BORCS5: variants seen among roughly 807,000 people sequenced by gnomAD.
The protein encoded by BORCS5 is BLOC-1-related complex subunit 5.
BORCS5 carries 17 observed loss-of-function variants against 22.1 expected under a neutral mutation model. The ratio of observed to expected loss-of-function variants is 0.77; its 90% CI spans 0.53 to 1.15. The LOEUF is 1.15. Among genes scored for constraint, BORCS5 ranks in the 50% most tolerant of loss-of-function variants. The probability of loss-of-function intolerance (pLI) is 0.00; values close to 1 mark genes in which losing one functional copy is unlikely to be tolerated. For synonymous variants in BORCS5, 117 were observed against 99.8 expected, an observed-to-expected ratio of 1.17 and a Z score of -1.03; for missense variants, 247 against 253.2, an observed-to-expected ratio of 0.98 and a Z score of 0.17.
intron 2 of BORCS5, among the ~76,000 whole-genome samples, chr12:12,407,226 T>C (rs1462115225): frequency 6.6e-6 from 1 of 152,258 alleles, no homozygotes; most frequent in African/African-American, 2.4e-5. Context: ...TATGTCATTA[T>C]AGAAGAATCC....
rs1361033088 is a variant in BORCS5, at chr12:12,465,698, C to T, written c.513C>T (p.Asp171=). The T allele has an allele frequency of 1.9e-6, 3 of 1,614,266 alleles. No individual in the cohort carries two copies. In the African/African-American group the frequency reaches 4.0e-5, roughly 22 times the overall value. ...MGIDQTVPLL[D]RLNSMLPEGE... is the part of the protein sequence containing the mutation. ...TCGACCAGACTGTGCCCCTGCTGGA[C>T]AGGCTCAACAGCATGCTGCCCGAGG... The change falls in exon 4 of 4, where the codon GAC becomes GAT. Residue 171 remains aspartate (D), a synonymous_variant. Coordinates refer to ENST00000314565, the MANE Select transcript of BORCS5 (RefSeq NM_058169.6).
At chr12:12,423,645 T>C (rs2136108430) in intron 2 of BORCS5, among the ~76,000 whole-genome samples, 1 of 151,646 alleles carries the variant, frequency 6.6e-6, no homozygotes, top group East Asian at 1.9e-4. Context: ...TTCCCTTTTA[T>C]GTGATAAGGT....
At chr12:12,393,558 C>CA (rs1941253246) in intron 2 of BORCS5, among the ~76,000 whole-genome samples, 1 of 151,696 alleles carries the variant, frequency 6.6e-6, no homozygotes, top group African/African-American at 2.4e-5. Context: ...CTCACTCTGT[C>CA]ACTCAGGCTG....
intron 3 of BORCS5, among the ~76,000 whole-genome samples, chr12:12,449,064 T>C (rs1382843381): frequency 2.0e-5 from 3 of 152,242 alleles, no homozygotes; most frequent in Non-Finnish European, 4.4e-5. Flanking sequence ...AACTTCTTTA[T>C]ACTTCCAACC....
At chr12:12,413,095 A>G (rs1168677397) in intron 2 of BORCS5, among the ~76,000 whole-genome samples, 1 of 94,556 alleles carries the variant, frequency 1.1e-5, no homozygotes, top group Non-Finnish European at 2.0e-5. Flanking sequence ...GAGATTGGGG[A>G]TTGGTGATGA....
intron 2 of BORCS5, among the ~76,000 whole-genome samples, chr12:12,364,512 G>A (rs576872791): frequency 2.6e-5 from 4 of 152,350 alleles, no homozygotes; most frequent in African/African-American, 9.6e-5. Flanking sequence ...TGCTGTCTTA[G>A]GGGTGGCAGA....
intron 2 of BORCS5, among the ~76,000 whole-genome samples, chr12:12,421,400 C>T (rs961475787): frequency 2.6e-5 from 4 of 152,118 alleles, no homozygotes; most frequent in African/African-American, 4.8e-5. Flanking sequence ...GGGATGAAGC[C>T]GACTTGATCG....
intron 1 of BORCS5, among the ~76,000 whole-genome samples, chr12:12,358,326 G>A (rs888977993): frequency 6.6e-6 from 1 of 152,186 alleles, no homozygotes; most frequent in Admixed American, 6.5e-5. Context: ...GATAGGAGCT[G>A]TAATTCAGAA....
chr12:12,367,771 C>A (rs1003855235), intron 2 of BORCS5, among the ~76,000 whole-genome samples: 12 of 152,184 alleles, frequency 7.9e-5, no homozygotes. Context: ...CATTAAGTCT[C>A]AGATGAGGTA....
At chr12:12,449,630 C>A (rs1219982632) in intron 3 of BORCS5, among the ~76,000 whole-genome samples, 1 of 152,172 alleles carries the variant, frequency 6.6e-6, no homozygotes, top group Non-Finnish European at 1.5e-5. Context: ...TCGCTTAATT[C>A]TTTTGAAGAC....
intron 2 of BORCS5, among the ~76,000 whole-genome samples, chr12:12,368,481 G>A (rs1863452850): frequency 6.6e-6 from 1 of 151,582 alleles, no homozygotes; most frequent in Admixed American, 6.6e-5. Flanking sequence ...GTCTTGATCT[G>A]TCATCCAGGC....
chr12:12,409,022 C>T (rs796808492), intron 2 of BORCS5, among the ~76,000 whole-genome samples: 2 of 152,196 alleles, frequency 1.3e-5, no homozygotes, highest in East Asian at 1.9e-4. Context: ...ACACCCCTTT[C>T]GCCAGCGGCT....
rs1053381815 is a variant in BORCS5 at position 12,357,366 on chromosome 12, C to G, written c.-86C>G. On this transcript the variant is annotated 5_prime_UTR_variant, in exon 1 of 4. Coordinates refer to ENST00000314565, the MANE Select transcript of BORCS5 (RefSeq NM_058169.6). Reference sequence around the variant, plus strand: ...CAGACTCTGCTTTGCCTCCCCGTCCCGGTCCCTGGCCCCTGCCCTGTCGCC... The same window carrying G: ...CAGACTCTGCTTTGCCTCCCCGTCCGGGTCCCTGGCCCCTGCCCTGTCGCC... 64 of 1,531,600 alleles carry G rather than the reference C, an allele frequency of 4.2e-5. No individual in the cohort carries two copies. In the South Asian group the frequency reaches 7.3e-4, roughly 17 times the overall value. 94.9% of individuals were successfully genotyped at this position (1,531,600 alleles called of 1,614,324 possible). A position where few individuals can be genotyped will look rare whatever the true frequency, so the allele number is the denominator to read the frequency against.
intron 3 of BORCS5, among the ~76,000 whole-genome samples, chr12:12,442,875 G>A (rs1592131750): frequency 6.6e-6 from 1 of 152,270 alleles, no homozygotes; most frequent in Non-Finnish European, 1.5e-5. Flanking sequence ...GGCTGGGCAG[G>A]GATTTCTTTC....
chr12:12,447,876 G>A (rs147289942), intron 3 of BORCS5, among the ~76,000 whole-genome samples: 1 of 152,318 alleles, frequency 6.6e-6, no homozygotes, highest in African/African-American at 2.4e-5. Context: ...AGGGAGTCCA[G>A]GTTAGTGGCG....
chr12:12,371,758 C>T (rs954364477), intron 2 of BORCS5, among the ~76,000 whole-genome samples: 2 of 152,150 alleles, frequency 1.3e-5, no homozygotes, highest in Non-Finnish European at 2.9e-5. Flanking sequence ...GATGTTAGAC[C>T]GCTTGATATT....
chr12:12,417,765 C>T (rs1031734071), intron 2 of BORCS5, among the ~76,000 whole-genome samples: 2 of 152,024 alleles, frequency 1.3e-5, no homozygotes, highest in African/African-American at 2.4e-5. Context: ...TCCTCCATCT[C>T]AGCCTCCTGA....
intron 2 of BORCS5, among the ~76,000 whole-genome samples, chr12:12,413,739 C>T (rs1322863579): frequency 4.9e-5 from 4 of 82,050 alleles, no homozygotes; most frequent in South Asian, 3.2e-4. Context: ...CCGGACGGGG[C>T]GGCTGGCCAG....
At chr12:12,436,080 T>A (rs990719109) in intron 3 of BORCS5, among the ~76,000 whole-genome samples, 2 of 152,220 alleles carry the variant, frequency 1.3e-5, no homozygotes, top group Admixed American at 6.5e-5. Flanking sequence ...GACAGATTGC[T>A]TAGTAAGTGT....
Sources: gnomAD v4.1 joint callset for allele counts (sites outside exome capture counted in the v4.1 genomes callset) on GRCh38, gnomAD v4.1.1 for gene constraint, MANE v1.5 for transcripts, NCBI Gene and HGNC (gene_info 2026-07-23, HGNC 2026-07-21) for gene names.